The following KLF12 variants were observed in gnomAD, a reference collection of about 807,000 sequenced individuals.
The protein encoded by KLF12 is Krueppel-like factor 12.
A neutral mutation model predicts 37.8 loss-of-function variants in KLF12; 9 were observed. The ratio of observed to expected loss-of-function variants is 0.24; its 90% confidence interval spans 0.14 to 0.42. KLF12 has a LOEUF of 0.42. Ranked by LOEUF, KLF12 falls within the 10% of genes least tolerant of loss-of-function variation. KLF12 has a pLI of 1.00. For synonymous variants in KLF12, 208 were observed against 202.1 expected (o/e 1.03, Z -0.25); for missense variants, 411 against 516.0 (o/e 0.80, Z 1.97).
At chr13:74,030,357 A>G (rs968628101) in intron 1 of KLF12, among the ~76,000 whole-genome samples, 20 of 152,130 alleles carry the variant, frequency 1.3e-4, no homozygotes, top group Admixed American at 3.9e-4. Flanking sequence ...CACTCTGCCC[A>G]ATGTTACACG....
the KLF12 span, among the ~76,000 whole-genome samples, chr13:74,155,369 G>T: frequency 2.0e-5 from 3 of 148,882 alleles, no homozygotes; most frequent in South Asian, 4.3e-4. Context: ...TTTTGTTTTT[G>T]TTTTTTTTCT....
At chr13:74,165,020 TTACTG>T in the KLF12 span, among the ~76,000 whole-genome samples, 2 of 151,996 alleles carry the variant, frequency 1.3e-5, no homozygotes, top group Admixed American at 1.3e-4. Flanking sequence ...CAACAATAAT[TTACTG>T]TACATTTGAA....
At chr13:74,069,271 G>T (rs1874089074) in intron 1 of KLF12, among the ~76,000 whole-genome samples, 1 of 152,158 alleles carries the variant, frequency 6.6e-6, no homozygotes, top group South Asian at 2.1e-4. Flanking sequence ...TCCTATAGGT[G>T]GTTCCACAGG....
At chr13:73,918,835 GTGC>G (rs1454341054) in intron 3 of KLF12, among the ~76,000 whole-genome samples, 2 of 152,132 alleles carry the variant, frequency 1.3e-5, no homozygotes, top group African/African-American at 4.8e-5. Context: ...ACTCTAAACC[GTGC>G]TGCTATTAGA....
At chr13:73,755,597 G>A (rs780129362) in intron 6 of KLF12, among the ~76,000 whole-genome samples, 2 of 151,044 alleles carry the variant, frequency 1.3e-5, no homozygotes, top group Non-Finnish European at 2.9e-5. Context: ...CTAATACTTA[G>A]GGTTGACAAA....
chr13:73,732,923 C>T lies in KLF12; in HGVS notation c.870-17398G>A, dbSNP rs142548440. 4.2e-3 allele frequency among the ~76,000 whole-genome samples: 642 copies of T among 152,254 alleles called. 6 individuals are homozygous for T. Among genetic ancestry groups the T allele is most frequent in the African/African-American group, 0.014 (601 of 41,540 alleles). ...GTCTCAGGAAATAACCACTTCTCTC[C>T]TGGCAGTCCAGAACAAAAACAGGGG... On this transcript the variant is annotated intron_variant, in intron 6 of 7. Transcript: ENST00000377669.
chr13:74,040,048 A>C (rs1407561317), intron 1 of KLF12, among the ~76,000 whole-genome samples: 1 of 152,228 alleles, frequency 6.6e-6, no homozygotes, highest in Non-Finnish European at 1.5e-5. Context: ...TAAAATATAT[A>C]AATGGTAAAT....
At chr13:73,703,714 A>T (rs1301450631) in intron 7 of KLF12, among the ~76,000 whole-genome samples, 1 of 152,218 alleles carries the variant, frequency 6.6e-6, no homozygotes, top group African/African-American at 2.4e-5. Flanking sequence ...CTTCCTAAAG[A>T]AGTCGTTGCA....
intron 1 of KLF12, among the ~76,000 whole-genome samples, chr13:74,097,152 C>G (rs1277469606): frequency 6.6e-6 from 1 of 152,128 alleles, no homozygotes; most frequent in African/African-American, 2.4e-5. Flanking sequence ...TCTAAAGAAT[C>G]TCCAAGAACT....
chr13:73,723,686 C>T (rs1343787313), intron 6 of KLF12, among the ~76,000 whole-genome samples: 5 of 152,088 alleles, frequency 3.3e-5, no homozygotes, highest in African/African-American at 9.7e-5. Context: ...TAGAATCATG[C>T]TAAATTTTAA....
At chr13:73,997,418 C>A (rs1892151525) in intron 1 of KLF12, among the ~76,000 whole-genome samples, 1 of 152,094 alleles carries the variant, frequency 6.6e-6, no homozygotes, top group Non-Finnish European at 1.5e-5. Flanking sequence ...AAATGTCATA[C>A]GTGTAAGAAT....
In KLF12 at chr13:73,688,666, C is replaced by T. The variant is rs1427455827; in HGVS notation, c.*6824G>A. ...GTTGCTATTGTTTGTTTATAATGATCCTTCATGCATGATTTTCCGGGAAAG... is the reference window on the plus strand; with the variant it reads ...GTTGCTATTGTTTGTTTATAATGATTCTTCATGCATGATTTTCCGGGAAAG... On this transcript the variant is annotated 3_prime_UTR_variant, in exon 8 of 8. Coordinates refer to ENST00000377669, the MANE Select transcript of KLF12 (RefSeq NM_007249.5). 1 of 152,152 alleles carries T rather than the reference C, an allele frequency of 6.6e-6. No individual in the cohort carries two copies. Among genetic ancestry groups the T allele is most frequent in the Non-Finnish European group, 1.5e-5 (1 of 68,038 alleles). The allele number at this position is 152,152 out of a possible 1,614,324, so 9.4% of individuals were successfully genotyped here.
At chr13:73,841,108 C>G (rs1354995087) in intron 4 of KLF12, among the ~76,000 whole-genome samples, 5 of 152,164 alleles carry the variant, frequency 3.3e-5, no homozygotes, top group Non-Finnish European at 7.3e-5. Flanking sequence ...GTCACTGCTA[C>G]TAGAATGTAA....
intron 1 of KLF12, among the ~76,000 whole-genome samples, chr13:74,054,914 G>A (rs1873156674): frequency 6.6e-6 from 1 of 152,052 alleles, no homozygotes. Flanking sequence ...GAAAATAAAA[G>A]TTCATTGTAT....
the KLF12 span, among the ~76,000 whole-genome samples, chr13:74,190,513 T>C: frequency 6.6e-6 from 1 of 152,172 alleles, no homozygotes; most frequent in Non-Finnish European, 1.5e-5. Context: ...TTTCTGAGCA[T>C]TATGCCCTGA....
At chr13:74,151,182 G>A in the KLF12 span, among the ~76,000 whole-genome samples, 1 of 152,124 alleles carries the variant, frequency 6.6e-6, no homozygotes, top group African/African-American at 2.4e-5. Context: ...AGCACTAAAC[G>A]AGGACTGAAG....
At chr13:74,133,258 C>A (rs1400764252) in intron 1 of KLF12, among the ~76,000 whole-genome samples, 1 of 151,934 alleles carries the variant, frequency 6.6e-6, no homozygotes, top group Admixed American at 6.6e-5. Flanking sequence ...CACACGGTCC[C>A]GGTGCGGAGC....
At chr13:74,071,471 G>C (rs1566198170) in intron 1 of KLF12, among the ~76,000 whole-genome samples, 1 of 151,980 alleles carries the variant, frequency 6.6e-6, no homozygotes, top group African/African-American at 2.4e-5. Flanking sequence ...CGGATCACAA[G>C]GTCAGGAGAT....
chr13:73,840,816 T>A (rs1222711488), intron 4 of KLF12, among the ~76,000 whole-genome samples: 1 of 152,076 alleles, frequency 6.6e-6, no homozygotes, highest in African/African-American at 2.4e-5. Context: ...ATCCTTCATT[T>A]ACCCTCCCCT....
Sources: gnomAD v4.1 joint callset for allele counts (sites outside exome capture counted in the v4.1 genomes callset) on GRCh38, gnomAD v4.1.1 for gene constraint, MANE v1.5 for transcripts, NCBI Gene and HGNC (gene_info 2026-07-23, HGNC 2026-07-21) for gene names.